The following BABAM2 variants were observed in gnomAD, a reference collection of about 807,000 sequenced individuals.
BABAM2 encodes the protein BRISC and BRCA1-A complex member 2.
Under a neutral mutation model 54.7 loss-of-function variants are expected in BABAM2, and 31 were observed. The observed-to-expected ratio is 0.57, with a 90% confidence interval of 0.43 to 0.77. The LOEUF (loss-of-function observed/expected upper bound fraction) is 0.77, where lower values mean the gene tolerates loss of function less well. BABAM2 is among the 30% of genes least tolerant of loss of function. The pLI is 0.00. For synonymous variants in BABAM2, 167 were observed against 162.9 expected, an observed-to-expected ratio of 1.03 and a Z score of -0.19; for missense variants, 364 against 455.8, an observed-to-expected ratio of 0.80 and a Z score of 1.83.
intron 2 of BABAM2, among the ~76,000 whole-genome samples, chr2:27,928,539 T>C (rs995100546): frequency 2.6e-5 from 4 of 152,176 alleles, no homozygotes; most frequent in African/African-American, 9.7e-5. Context: ...AAAGCCAAAA[T>C]TTTTTGAATT....
intron 7 of BABAM2, among the ~76,000 whole-genome samples, chr2:28,228,793 A>G (rs184504101): frequency 6.6e-6 from 1 of 152,316 alleles, no homozygotes; most frequent in Admixed American, 6.5e-5. Flanking sequence ...TACTTAAAAT[A>G]CTTTTCCACA....
At chr2:28,146,069 C>T (rs978293159) in intron 7 of BABAM2, among the ~76,000 whole-genome samples, 1 of 152,190 alleles carries the variant, frequency 6.6e-6, no homozygotes, top group Non-Finnish European at 1.5e-5. Flanking sequence ...TGTGTAAACA[C>T]ATATTTTCAA....
At chr2:28,128,557 A>G (rs566344697) in intron 6 of BABAM2, among the ~76,000 whole-genome samples, 5 of 152,206 alleles carry the variant, frequency 3.3e-5, no homozygotes, top group Admixed American at 2.0e-4. Flanking sequence ...AGTTCCTGCT[A>G]TTCTTGCTTT....
intron 7 of BABAM2, among the ~76,000 whole-genome samples, chr2:28,194,810 T>G (rs1178729898): frequency 6.6e-6 from 1 of 152,154 alleles, no homozygotes; most frequent in Non-Finnish European, 1.5e-5. Context: ...TCCGCCTGTC[T>G]CGGCCTCCCA....
chr2:28,060,264 T>C (rs1184643162), intron 6 of BABAM2, among the ~76,000 whole-genome samples: 1 of 152,074 alleles, frequency 6.6e-6, no homozygotes, highest in Non-Finnish European at 1.5e-5. Context: ...ATTATCTCAA[T>C]AGACATAGAA....
At chr2:28,185,673 A>C (rs1004623885) in intron 7 of BABAM2, among the ~76,000 whole-genome samples, 1 of 152,196 alleles carries the variant, frequency 6.6e-6, no homozygotes, top group Non-Finnish European at 1.5e-5. Context: ...TAGAAACTAA[A>C]GCAAGTTACC....
At chr2:28,111,320 G>C (rs997294733) in intron 6 of BABAM2, among the ~76,000 whole-genome samples, 5 of 151,986 alleles carry the variant, frequency 3.3e-5, no homozygotes, top group African/African-American at 1.2e-4. Flanking sequence ...GTCTATTCAA[G>C]TTCTTTGCCC....
chr2:28,173,499 A>G (rs554663523), intron 7 of BABAM2, among the ~76,000 whole-genome samples: 1 of 152,286 alleles, frequency 6.6e-6, no homozygotes, highest in African/African-American at 2.4e-5. Flanking sequence ...GGTTTAGAGC[A>G]CTGGGAGGTG....
intron 7 of BABAM2, among the ~76,000 whole-genome samples, chr2:28,236,937 G>C (rs1477748382): frequency 6.6e-6 from 1 of 152,154 alleles, no homozygotes; most frequent in Non-Finnish European, 1.5e-5. Flanking sequence ...ATTAATGTTG[G>C]TAAGACATTT....
chr2:28,050,895 G>T (rs1394872693), intron 6 of BABAM2, among the ~76,000 whole-genome samples: 3 of 152,086 alleles, frequency 2.0e-5, no homozygotes, highest in African/African-American at 7.2e-5. Flanking sequence ...TACTTGATTT[G>T]GGAAGTAGGT....
intron 2 of BABAM2, among the ~76,000 whole-genome samples, chr2:27,901,480 T>A (rs1665793744): frequency 6.6e-6 from 1 of 152,184 alleles, no homozygotes; most frequent in African/African-American, 2.4e-5. Context: ...ACCTATTGCA[T>A]TTTTTTGTCC....
chr2:28,141,865 G>A (rs1334514922), intron 7 of BABAM2, among the ~76,000 whole-genome samples: 3 of 152,156 alleles, frequency 2.0e-5, no homozygotes, highest in Non-Finnish European at 4.4e-5. Context: ...GGTATGTCAG[G>A]TGGATTTTAA....
At chr2:28,177,014 T>C (rs746015271) in intron 7 of BABAM2, among the ~76,000 whole-genome samples, 1 of 152,132 alleles carries the variant, frequency 6.6e-6, no homozygotes, top group Non-Finnish European at 1.5e-5. Context: ...GAAATCTTTC[T>C]AAGTATAGCA....
chr2:28,217,821 G>A (rs1009412762), intron 7 of BABAM2, among the ~76,000 whole-genome samples: 2 of 152,030 alleles, frequency 1.3e-5, no homozygotes, highest in Non-Finnish European at 2.9e-5. Context: ...CATATTAACA[G>A]CATTAATTGA....
chr2:27,907,295 C>A (rs1252479515), intron 2 of BABAM2, among the ~76,000 whole-genome samples: 2 of 151,018 alleles, frequency 1.3e-5, no homozygotes, highest in African/African-American at 4.9e-5. Flanking sequence ...TTTATCTCAA[C>A]CTTTGCTCTT....
At chr2:28,167,972 A>G (rs1436573332) in intron 7 of BABAM2, among the ~76,000 whole-genome samples, 1 of 152,174 alleles carries the variant, frequency 6.6e-6, no homozygotes, top group Non-Finnish European at 1.5e-5. Flanking sequence ...AGAAGTTAAT[A>G]ATTTTCTCAA....
At chr2:28,290,133 G>C (rs1011765357) in intron 10 of BABAM2, among the ~76,000 whole-genome samples, 1 of 152,314 alleles carries the variant, frequency 6.6e-6, no homozygotes, top group Admixed American at 6.5e-5. Flanking sequence ...TGGTCCTTGA[G>C]ATTCATCTAG....
intron 7 of BABAM2, among the ~76,000 whole-genome samples, chr2:28,130,546 G>A (rs183252902): frequency 8.6e-4 from 130 of 152,022 alleles, no homozygotes; most frequent in African/African-American, 3.0e-3. Context: ...TTGACCTCCT[G>A]GGCTCAAGTG....
chr2:28,068,563 T>C (rs1360306799), intron 6 of BABAM2, among the ~76,000 whole-genome samples: 3 of 152,156 alleles, frequency 2.0e-5, no homozygotes, highest in Non-Finnish European at 4.4e-5. Context: ...TTTGGAAAAA[T>C]AAAAACACAA....
Sources: allele counts gnomAD v4.1 joint callset (sites outside exome capture counted in the v4.1 genomes callset), GRCh38; gene constraint gnomAD v4.1.1; transcripts MANE v1.5; gene names NCBI Gene and HGNC (gene_info 2026-07-23, HGNC 2026-07-21).